NYAP2: variants seen among roughly 807,000 people sequenced by gnomAD.
The protein encoded by NYAP2 is neuronal tyrosine-phosphorylated phosphoinositide-3-kinase adaptor 2.
In NYAP2, 23 loss-of-function variants were observed where a neutral mutation model predicts 50.4. The ratio of observed to expected loss-of-function variants is 0.46; its 90% CI spans 0.33 to 0.65. The LOEUF (loss-of-function observed/expected upper bound fraction) is 0.65. NYAP2 is among the 30% of genes least tolerant of loss of function. NYAP2 has a pLI of 0.02. For synonymous variants in NYAP2, 394 were observed against 365.2 expected (o/e 1.08, Z -0.90); for missense variants, 885 against 861.0 (o/e 1.03, Z -0.35).
intron 2 of NYAP2, 57 bp from the exon 3 acceptor site, chr2:225,408,807 A>G: frequency 1.1e-6 from 1 of 901,762 alleles, no homozygotes; most frequent in Non-Finnish European, 1.8e-6. Flanking sequence ...GATAATAAAC[A>G]GCACCTTGCT....
At chr2:225,678,294 A>T in the NYAP2 span, among the ~76,000 whole-genome samples, 1 of 151,858 alleles carries the variant, frequency 6.6e-6, no homozygotes, top group Non-Finnish European at 1.5e-5. Context: ...GTTTATTTGA[A>T]TCTTCTCTTT....
intron 5 of NYAP2, among the ~76,000 whole-genome samples, chr2:225,604,589 T>C (rs1692752457): frequency 6.6e-6 from 1 of 152,156 alleles, no homozygotes; most frequent in Admixed American, 6.6e-5. Flanking sequence ...TTTCTATGTG[T>C]TTTGCATATG....
intron 3 of NYAP2, among the ~76,000 whole-genome samples, chr2:225,443,290 T>C (rs553587050): frequency 3.9e-4 from 59 of 152,318 alleles, no homozygotes; most frequent in African/African-American, 1.4e-3. Flanking sequence ...TAATTACCAA[T>C]CTGACAGACC....
At chr2:225,517,418 C>T (rs1157464179) in intron 4 of NYAP2, among the ~76,000 whole-genome samples, 1 of 152,140 alleles carries the variant, frequency 6.6e-6, no homozygotes, top group Admixed American at 6.6e-5. Flanking sequence ...CTCAGGTAAA[C>T]ACATAGCCGA....
chr2:225,519,685 C>G (rs976823263), intron 4 of NYAP2, among the ~76,000 whole-genome samples: 5 of 151,996 alleles, frequency 3.3e-5, no homozygotes, highest in Admixed American at 1.3e-4. Flanking sequence ...TGGACATTTG[C>G]GCTGGTTCCA....
intron 4 of NYAP2, among the ~76,000 whole-genome samples, chr2:225,519,053 A>C (rs1485309252): frequency 2.0e-5 from 3 of 151,960 alleles, no homozygotes; most frequent in Non-Finnish European, 4.4e-5. Flanking sequence ...AAAAGGAGCA[A>C]AAAGAATTGC....
rs77462570 is a variant in NYAP2, at chr2:225,604,538, G to A, written c.1618+21503G>A. 2.9e-4 allele frequency among the ~76,000 whole-genome samples: 44 copies of A among 152,172 alleles called. No individual in the cohort carries two copies. The East Asian group carries it at 5.2e-3, about 18-fold the overall frequency. On this transcript the variant is annotated intron_variant, in intron 5 of 6. Coordinates refer to ENST00000636099, the Ensembl canonical transcript of NYAP2. The stretch of plus-strand genomic sequence containing the variant: ...TGAAACAGAGCTCCAGTTCTCATAT[G>A]TGCCCTGTAAATATTGCTAAGAGAT...
chr2:225,411,148 C>T (rs1695031921), intron 3 of NYAP2, among the ~76,000 whole-genome samples: 1 of 152,012 alleles, frequency 6.6e-6, no homozygotes, highest in South Asian at 2.1e-4. Flanking sequence ...TTTGTTGTGT[C>T]CTAACTGTTG....
chr2:225,649,949 C>T (rs2106271602), intron 6 of NYAP2, among the ~76,000 whole-genome samples: 1 of 152,260 alleles, frequency 6.6e-6, no homozygotes, highest in East Asian at 1.9e-4. Context: ...TTGTTTTCCT[C>T]TAAATCAGAA....
chr2:225,411,666 C>G (rs1339274364), intron 3 of NYAP2, among the ~76,000 whole-genome samples: 5 of 151,496 alleles, frequency 3.3e-5, no homozygotes, highest in Middle Eastern at 6.9e-3. Flanking sequence ...ATGATAGGAA[C>G]AGTGGAAGAA....
At chr2:225,627,012 A>G (rs545395037) in exon 6 of NYAP2, 8 of 1,592,958 alleles carry the variant, frequency 5.0e-6, no homozygotes, top group Middle Eastern at 1.6e-4. Flanking sequence ...GTCTTCCTCC[A>G]GAGAGCCTGT....
At chr2:225,501,814 TC>T (rs1690614083) in intron 3 of NYAP2, among the ~76,000 whole-genome samples, 1 of 152,174 alleles carries the variant, frequency 6.6e-6, no homozygotes, top group African/African-American at 2.4e-5. Context: ...CTACCCACTT[TC>T]CACTTGCTAC....
chr2:225,464,621 T>C (rs1222728939), intron 3 of NYAP2, among the ~76,000 whole-genome samples: 2 of 152,328 alleles, frequency 1.3e-5, no homozygotes, highest in Middle Eastern at 3.4e-3. Context: ...ACCAGAACTT[T>C]TGGATTAAGG....
intron 4 of NYAP2, among the ~76,000 whole-genome samples, chr2:225,569,441 G>C (rs1431076): frequency 0.55 from 83,744 of 151,834 alleles, 25,766 homozygotes; most frequent in South Asian, 0.7. Context: ...AGGAGTGAGG[G>C]GGGGAGGTGA....
At chr2:225,698,073 G>A in the NYAP2 span, among the ~76,000 whole-genome samples, 7 of 151,840 alleles carry the variant, frequency 4.6e-5, no homozygotes, top group African/African-American at 1.4e-4. Flanking sequence ...AACTACTGGG[G>A]AGACTGAGGT....
intron 5 of NYAP2, among the ~76,000 whole-genome samples, chr2:225,599,537 G>A (rs1692661914): frequency 6.6e-6 from 1 of 152,190 alleles, no homozygotes; most frequent in African/African-American, 2.4e-5. Context: ...GTCCTACTAA[G>A]AGCAGCAAGT....
chr2:225,690,191 G>A, the NYAP2 span, among the ~76,000 whole-genome samples: 1 of 152,034 alleles, frequency 6.6e-6, no homozygotes, highest in African/African-American at 2.4e-5. Context: ...AAAATATTCT[G>A]AGGAGTAGTG....
At chr2:225,622,909 G>A (rs1042568100) in intron 5 of NYAP2, among the ~76,000 whole-genome samples, 1 of 151,974 alleles carries the variant, frequency 6.6e-6, no homozygotes, top group Non-Finnish European at 1.5e-5. Context: ...TTCTAACCTA[G>A]CAATTTTATT....
rs183679450 is a variant in NYAP2, at chr2:225,629,589, C to A, written c.1828+2463C>A. 7.5e-3 allele frequency among the ~76,000 whole-genome samples: 1,135 copies of A among 152,290 alleles called. 7 individuals are homozygous for A. Among genetic ancestry groups the A allele is most frequent in the Non-Finnish European group, 0.012 (802 of 68,026 alleles). ...AAAGAGGTGTATTTGGCTTACGGTTCTGCAGGCTGAGAAGTTCAAGAAGCA... is the reference window on the plus strand; with the variant it reads ...AAAGAGGTGTATTTGGCTTACGGTTATGCAGGCTGAGAAGTTCAAGAAGCA... On this transcript the variant is annotated intron_variant, in intron 6 of 6. Coordinates refer to ENST00000636099, the Ensembl canonical transcript of NYAP2.
Sources: allele counts gnomAD v4.1 joint callset (sites outside exome capture counted in the v4.1 genomes callset), GRCh38; gene constraint gnomAD v4.1.1; transcripts MANE v1.5; gene names NCBI Gene and HGNC (gene_info 2026-07-23, HGNC 2026-07-21).